ACSM2B: variants seen among roughly 807,000 people sequenced by gnomAD.
The protein encoded by ACSM2B is acyl-coenzyme A synthetase ACSM2B, mitochondrial.
A neutral mutation model predicts 78.6 loss-of-function variants in ACSM2B; 58 were observed. The observed-to-expected ratio is 0.74, with a 90% CI of 0.60 to 0.92. ACSM2B has a LOEUF of 0.92. ACSM2B is among the 40% of genes least tolerant of loss of function. ACSM2B has a pLI of 0.00. For missense variants in ACSM2B, 688 were observed against 711.2 expected, an observed-to-expected ratio of 0.97 and a Z score of 0.37; for synonymous variants, 257 against 256.8, an observed-to-expected ratio of 1.00 and a Z score of -0.01.
At position 20,548,457 on chromosome 16, in the gene ACSM2B, G is replaced by GTAGCCAGCTTTATAATA. The variant is rs2015210618; in HGVS notation, c.910_911insTATTATAAAGCTGGCTA (p.Pro304LeufsTer3). 1 of 1,613,472 alleles carries GTAGCCAGCTTTATAATA rather than the reference G, an allele frequency of 6.2e-7. No individual in the cohort carries two copies. Among genetic ancestry groups the GTAGCCAGCTTTATAATA allele is most frequent in the African/African-American group, 1.3e-5 (1 of 74,778 alleles). ...AGGGGCACCCATCATACTCTTGATT[G>GTAGCCAGCTTTATAATA]GATAACTGGAGAGTGTCTGGAAGAC... On this transcript the variant is annotated stop_gained and frameshift_variant, in exon 7 of 14. Transcript: ENST00000329697. LOFTEE classifies it high-confidence loss of function.
chr16:20,565,362 C>A (rs1307689265), intron 1 of ACSM2B, among the ~76,000 whole-genome samples: 2 of 152,046 alleles, frequency 1.3e-5, no homozygotes, highest in African/African-American at 2.4e-5. Flanking sequence ...CACATTTCTC[C>A]CCTCTGCATG....
At chr16:20,554,619 A>T (rs2015413303) in intron 4 of ACSM2B, among the ~76,000 whole-genome samples, 1 of 152,234 alleles carries the variant, frequency 6.6e-6, no homozygotes. Flanking sequence ...TGGAAGGACT[A>T]TCAAGGTCTT....
chr16:20,563,480 G>C (rs1399261332), intron 2 of ACSM2B, among the ~76,000 whole-genome samples: 1 of 151,982 alleles, frequency 6.6e-6, no homozygotes, highest in South Asian at 2.1e-4. Context: ...GAGATTTTTT[G>C]ATGTTTATAT....
chr16:20,569,231 G>T (rs556019599), intron 1 of ACSM2B, among the ~76,000 whole-genome samples: 2 of 151,778 alleles, frequency 1.3e-5, no homozygotes, highest in Non-Finnish European at 2.9e-5. Flanking sequence ...ATCTTGAGGT[G>T]GTTTTTGTAT....
At chr16:20,555,592 G>GA in intron 3 of ACSM2B, 116 bp from the exon 4 acceptor site, 1 of 1,509,500 alleles carries the variant, frequency 6.6e-7, no homozygotes, top group Non-Finnish European at 8.8e-7. Flanking sequence ...GGGAAGTAAT[G>GA]ACCAATGGAG....
chr16:20,553,483 A>G (rs1596717443), intron 5 of ACSM2B, among the ~76,000 whole-genome samples: 2 of 152,330 alleles, frequency 1.3e-5, no homozygotes, highest in East Asian at 3.9e-4. Flanking sequence ...AAAGAACAAC[A>G]TAGAGATCAG....
At chr16:20,546,244 T>C in intron 9 of ACSM2B, 150 bp downstream of exon 9, 1 of 1,382,562 alleles carries the variant, frequency 7.2e-7, no homozygotes. Context: ...ACTCTCTCCT[T>C]CCCCCTAACC....
chr16:20,568,912 G>C (rs1461036548), intron 1 of ACSM2B, among the ~76,000 whole-genome samples: 1 of 151,046 alleles, frequency 6.6e-6, no homozygotes, highest in African/African-American at 2.4e-5. Flanking sequence ...GATTTTTTGG[G>C]CTTTTTTTAC....
chr16:20,565,743 A>G (rs2015806068), intron 1 of ACSM2B, among the ~76,000 whole-genome samples: 1 of 152,040 alleles, frequency 6.6e-6, no homozygotes, highest in South Asian at 2.1e-4. Context: ...CGAGGAGTAT[A>G]CACTTAACAC....
rs1023375167 is a variant in ACSM2B at position 20,546,645 on chromosome 16, C to G, written c.1099-171G>C. 6.1e-5 allele frequency: 74 copies of G among 1,222,736 alleles called. No homozygotes were observed. In the Middle Eastern group the frequency reaches 1.1e-3, roughly 18 times the overall value. The allele number at this position is 1,222,736 out of a possible 1,614,324, so 75.7% of individuals were successfully genotyped here. A position where few individuals can be genotyped will look rare whatever the true frequency, so the allele number is the denominator to read the frequency against. On this transcript the variant is annotated intron_variant, in intron 8 of 13. Coordinates refer to ENST00000329697, the MANE Select transcript of ACSM2B (RefSeq NM_001105069.2). ...CTCTCCCCATTACTGGAATCACAATCCTAGGGGCCTCACTAAATTGTTTGT... is the reference window on the plus strand; with the variant it reads ...CTCTCCCCATTACTGGAATCACAATGCTAGGGGCCTCACTAAATTGTTTGT...
chr16:20,567,770 A>T (rs1329449985), intron 1 of ACSM2B, among the ~76,000 whole-genome samples: 4 of 140,060 alleles, frequency 2.9e-5, no homozygotes, highest in African/African-American at 1.0e-4. Flanking sequence ...GTATATACAG[A>T]TATATATAAT....
intron 6 of ACSM2B, among the ~76,000 whole-genome samples, chr16:20,551,487 C>A (rs2015309464): frequency 6.6e-6 from 1 of 151,878 alleles, no homozygotes; most frequent in South Asian, 2.1e-4. Flanking sequence ...AGTAAGGGAG[C>A]CATCAACAAG....
At chr16:20,540,293 A>G (rs1271607419) in intron 13 of ACSM2B, among the ~76,000 whole-genome samples, 1 of 140,588 alleles carries the variant, frequency 7.1e-6, no homozygotes, top group Admixed American at 7.4e-5. Context: ...CTTAGGCTGG[A>G]GTGCAGTGGC....
chr16:20,566,986 T>C (rs1210720533), intron 1 of ACSM2B, among the ~76,000 whole-genome samples: 1 of 122,428 alleles, frequency 8.2e-6, no homozygotes, highest in Non-Finnish European at 1.6e-5. Flanking sequence ...TATACTGTTA[T>C]ATATTATATA....
intron 1 of ACSM2B, among the ~76,000 whole-genome samples, chr16:20,573,258 T>G (rs1239765970): frequency 3.3e-5 from 5 of 151,702 alleles, no homozygotes; most frequent in African/African-American, 9.7e-5. Flanking sequence ...CCATGGGATG[T>G]TCCCCTGATG....
At chr16:20,574,164 G>A (rs1293502567) in intron 1 of ACSM2B, 3 of 152,014 alleles carry the variant, frequency 2.0e-5, no homozygotes, top group Non-Finnish European at 4.4e-5. Context: ...AAAGAATTCA[G>A]CAATATTTCT....
chr16:20,575,811 A>G (rs998897772), intron 1 of ACSM2B: 1 of 151,070 alleles, frequency 6.6e-6, no homozygotes. Flanking sequence ...TTTCTATGGA[A>G]TAAGAATTGA....
At chr16:20,541,922 C>A (rs1337268584) in intron 12 of ACSM2B, 3 of 152,264 alleles carry the variant, frequency 2.0e-5, no homozygotes, top group Non-Finnish European at 2.9e-5. Context: ...ACCTCGTGAT[C>A]CATCTGCCTC....
rs373399717 is a variant in ACSM2B, at chr16:20,552,235, T to G, written c.803A>C (p.Asn268Thr). Residue 268 changes from asparagine (N) to threonine (T), a missense_variant, in exon 6 of 14, where the codon AAC (asparagine) becomes ACC (threonine). Asn to Thr is a moderately conservative substitution (Grantham distance 65, BLOSUM62 0). Coordinates refer to ENST00000329697, the MANE Select transcript of ACSM2B (RefSeq NM_001105069.2). Reference sequence around the variant, plus strand: ...AGATTCCAAAAGTGAGCCCAAGATGTTCAGTATCCAACCTGTGTCTGATAT... The same window carrying G: ...AGATTCCAAAAGTGAGCCCAAGATGGTCAGTATCCAACCTGTGTCTGATAT... ...WTISDTGWIL[N>T]ILGSLLESWT... 3 of 1,613,912 alleles carry G rather than the reference T, an allele frequency of 1.9e-6. No individual in the cohort carries two copies. Among genetic ancestry groups the G allele is most frequent in the African/African-American group, 2.7e-5 (2 of 75,028 alleles).
Sources: gnomAD v4.1 joint callset for allele counts (sites outside exome capture counted in the v4.1 genomes callset) on GRCh38, gnomAD v4.1.1 for gene constraint, MANE v1.5 for transcripts, NCBI Gene and HGNC (gene_info 2026-07-23, HGNC 2026-07-21) for gene names.